DCC: variants seen among roughly 807,000 people sequenced by gnomAD.
The protein encoded by DCC is netrin receptor DCC.
Under a neutral mutation model 172.5 loss-of-function variants are expected in DCC, and 58 were observed. The ratio of observed to expected loss-of-function variants is 0.34; its 90% confidence interval spans 0.27 to 0.42. The LOEUF is 0.42. Ranked by LOEUF, DCC falls within the 10% of genes least tolerant of loss-of-function variation. DCC has a pLI of 1.00. For synonymous variants in DCC, 709 were observed against 644.5 expected (o/e 1.10, Z -1.52); for missense variants, 1,740 against 1,791.0 (o/e 0.97, Z 0.51).
At chr18:52,710,039 A>T (rs2036269682) in intron 1 of DCC, among the ~76,000 whole-genome samples, 1 of 152,206 alleles carries the variant, frequency 6.6e-6, no homozygotes, top group South Asian at 2.1e-4. Flanking sequence ...TCAATTTGGC[A>T]ATTTTTTAAA....
At chr18:53,276,875 G>A (rs2056812393) in intron 12 of DCC, among the ~76,000 whole-genome samples, 1 of 152,104 alleles carries the variant, frequency 6.6e-6, no homozygotes, top group African/African-American at 2.4e-5. Context: ...GGTCAGTGTA[G>A]GAACCAGGAC....
At chr18:52,704,198 G>A (rs2036170103) in intron 1 of DCC, among the ~76,000 whole-genome samples, 1 of 151,882 alleles carries the variant, frequency 6.6e-6, no homozygotes, top group Non-Finnish European at 1.5e-5. Context: ...TGTATGTGAT[G>A]AAATTCAAAT....
chr18:53,172,387 A>G (rs925449530), intron 8 of DCC, among the ~76,000 whole-genome samples: 1 of 149,206 alleles, frequency 6.7e-6, no homozygotes. Flanking sequence ...TGGTCATGAC[A>G]AGATCAATCA....
chr18:53,109,170 A>T (rs117881456), intron 7 of DCC, among the ~76,000 whole-genome samples: 1 of 151,092 alleles, frequency 6.6e-6, no homozygotes, highest in East Asian at 2.0e-4. Context: ...CTTTTTGTAT[A>T]TTTGTTGACC....
chr18:52,747,297 T>C, intron 1 of DCC, among the ~76,000 whole-genome samples: 1 of 152,282 alleles, frequency 6.6e-6, no homozygotes, highest in Admixed American at 6.5e-5. Flanking sequence ...GATTTCTTTC[T>C]TTATGAAGCA....
intron 1 of DCC, among the ~76,000 whole-genome samples, chr18:52,636,187 C>A (rs1357895408): frequency 9.2e-5 from 14 of 152,118 alleles, no homozygotes; most frequent in South Asian, 2.1e-4. Context: ...GCAGCAAGGC[C>A]CTGGGAGCCC....
At chr18:53,122,042 G>C (rs1471901360) in intron 7 of DCC, among the ~76,000 whole-genome samples, 1 of 151,992 alleles carries the variant, frequency 6.6e-6, no homozygotes, top group Non-Finnish European at 1.5e-5. Context: ...TATTTTGGAA[G>C]TTATAAGTGA....
chr18:52,856,892 T>G (rs887594764), intron 2 of DCC, among the ~76,000 whole-genome samples: 1 of 152,140 alleles, frequency 6.6e-6, no homozygotes, highest in Non-Finnish European at 1.5e-5. Flanking sequence ...GTAACTGTTA[T>G]ACAACAAATT....
intron 2 of DCC, among the ~76,000 whole-genome samples, chr18:52,789,710 G>C (rs958055954): frequency 2.0e-5 from 3 of 152,090 alleles, no homozygotes; most frequent in African/African-American, 4.8e-5. Flanking sequence ...GCAAAATTGT[G>C]ACTGAGACAG....
At chr18:52,638,241 A>G (rs958456172) in intron 1 of DCC, among the ~76,000 whole-genome samples, 5 of 152,046 alleles carry the variant, frequency 3.3e-5, no homozygotes, top group Admixed American at 3.3e-4. Context: ...CACAGGACCT[A>G]TAAAACAAAA....
intron 2 of DCC, among the ~76,000 whole-genome samples, chr18:52,858,671 C>G (rs977914191): frequency 5.3e-5 from 8 of 152,122 alleles, no homozygotes; most frequent in Admixed American, 5.2e-4. Context: ...ATGTGGAAAA[C>G]CATGCTGGAA....
At chr18:52,870,266 G>A (rs2039298534) in intron 2 of DCC, among the ~76,000 whole-genome samples, 2 of 151,998 alleles carry the variant, frequency 1.3e-5, no homozygotes, top group Non-Finnish European at 1.5e-5. Context: ...AGCAGGTCCC[G>A]TGGGGGTGGG....
chr18:52,561,920 C>T (rs942183008), intron 1 of DCC, among the ~76,000 whole-genome samples: 1 of 152,114 alleles, frequency 6.6e-6, no homozygotes, highest in African/African-American at 2.4e-5. Flanking sequence ...ACTGGCTTTT[C>T]TTTTAGTAGC....
At chr18:53,415,975 C>T (rs764424496) in intron 20 of DCC, 149 bp from the exon 21 acceptor site, 53 of 686,404 alleles carry the variant, frequency 7.7e-5, no homozygotes, top group Non-Finnish European at 1.3e-4. Flanking sequence ...TAGAAATAAA[C>T]ATGTAAGTTT....
At chr18:52,738,183 A>C (rs1287166153) in intron 1 of DCC, among the ~76,000 whole-genome samples, 1 of 152,134 alleles carries the variant, frequency 6.6e-6, no homozygotes, top group Non-Finnish European at 1.5e-5. Flanking sequence ...ATCAGTATAG[A>C]TACTGATAAG....
At chr18:52,349,869 C>T (rs1037291010) in intron 1 of DCC, among the ~76,000 whole-genome samples, 2 of 152,066 alleles carry the variant, frequency 1.3e-5, no homozygotes, top group African/African-American at 4.8e-5. Flanking sequence ...ACTTTAACTC[C>T]CTCTAGTTTG....
At chr18:52,619,727 T>G (rs1286481660) in intron 1 of DCC, among the ~76,000 whole-genome samples, 1 of 152,156 alleles carries the variant, frequency 6.6e-6, no homozygotes, top group East Asian at 1.9e-4. Context: ...CAGAGTTTCC[T>G]AATCTAATAT....
chr18:52,459,828 T>C (rs1265981471), intron 1 of DCC, among the ~76,000 whole-genome samples: 1 of 151,990 alleles, frequency 6.6e-6, no homozygotes, highest in Non-Finnish European at 1.5e-5. Flanking sequence ...TCTAGCTCCA[T>C]CCATGTTCCT....
intron 22 of DCC, among the ~76,000 whole-genome samples, chr18:53,446,332 G>A (rs1003922014): frequency 6.6e-6 from 1 of 152,038 alleles, no homozygotes; most frequent in Non-Finnish European, 1.5e-5. Context: ...TGTCTAACGA[G>A]TGCCAACTTT....
Sources: gnomAD v4.1 joint callset for allele counts (sites outside exome capture counted in the v4.1 genomes callset) on GRCh38, gnomAD v4.1.1 for gene constraint, MANE v1.5 for transcripts, NCBI Gene and HGNC (gene_info 2026-07-23, HGNC 2026-07-21) for gene names.